ADGRB3: variants seen among roughly 807,000 people sequenced by gnomAD.
ADGRB3 encodes the protein adhesion G protein-coupled receptor B3.
A neutral mutation model predicts 193.4 loss-of-function variants in ADGRB3; 37 were observed. The ratio of observed to expected loss-of-function variants is 0.19; its 90% CI spans 0.15 to 0.25. The LOEUF is 0.25. Among genes scored for constraint, ADGRB3 ranks in the 10% least tolerant of loss-of-function variants. The probability of loss-of-function intolerance (pLI) is 1.00; values close to 1 mark genes in which losing one functional copy is unlikely to be tolerated. For missense variants in ADGRB3, 1,637 were observed against 1,852.9 expected (o/e 0.88, Z 2.14); for synonymous variants, 690 against 644.2 (o/e 1.07, Z -1.08).
intron 3 of ADGRB3, among the ~76,000 whole-genome samples, chr6:68,723,307 C>T (rs923934365): frequency 6.6e-6 from 1 of 151,668 alleles, no homozygotes; most frequent in Non-Finnish European, 1.5e-5. Context: ...TAACTGGTAT[C>T]TTCTATCTTC....
intron 6 of ADGRB3, among the ~76,000 whole-genome samples, chr6:68,950,682 T>C (rs1554226333): frequency 6.6e-6 from 1 of 152,136 alleles, no homozygotes; most frequent in Non-Finnish European, 1.5e-5. Flanking sequence ...TTTCTATTTT[T>C]CTGCACCCTA....
chr6:68,762,085 A>G (rs922753905), intron 3 of ADGRB3, among the ~76,000 whole-genome samples: 6 of 152,192 alleles, frequency 3.9e-5, no homozygotes, highest in African/African-American at 1.4e-4. Flanking sequence ...GAATGGTAAA[A>G]CTGAATAATT....
intron 3 of ADGRB3, among the ~76,000 whole-genome samples, chr6:68,894,006 A>G (rs1314546901): frequency 6.6e-6 from 1 of 151,988 alleles, no homozygotes; most frequent in Non-Finnish European, 1.5e-5. Context: ...TTTAGATGAT[A>G]TATTTTAATA....
intron 30 of ADGRB3, among the ~76,000 whole-genome samples, chr6:69,375,920 A>T (rs1407510399): frequency 2.6e-5 from 4 of 151,786 alleles, no homozygotes; most frequent in African/African-American, 9.7e-5. Context: ...TCCAGTCTGG[A>T]CAACAAAGTG....
At chr6:69,087,373 G>A (rs1459011608) in intron 17 of ADGRB3, among the ~76,000 whole-genome samples, 1 of 152,116 alleles carries the variant, frequency 6.6e-6, no homozygotes, top group Non-Finnish European at 1.5e-5. Context: ...GCTATGGTCT[G>A]AATGTTTGTG....
At chr6:68,812,723 G>C (rs549000819) in intron 3 of ADGRB3, among the ~76,000 whole-genome samples, 3 of 151,376 alleles carry the variant, frequency 2.0e-5, no homozygotes, top group Non-Finnish European at 4.4e-5. Context: ...TGTGCAGAAC[G>C]TGCAGGTTTG....
chr6:69,266,053 TTTTA>T, intron 20 of ADGRB3, among the ~76,000 whole-genome samples: 1 of 152,118 alleles, frequency 6.6e-6, no homozygotes, highest in African/African-American at 2.4e-5. Flanking sequence ...TGTTGTGGGA[TTTTA>T]TTTGTTTGTT....
intron 31 of ADGRB3, among the ~76,000 whole-genome samples, chr6:69,383,668 A>T (rs559749855): frequency 3.3e-5 from 5 of 152,126 alleles, no homozygotes; most frequent in African/African-American, 1.2e-4. Context: ...TCTAAACTCC[A>T]ATTTCACCCT....
chr6:69,129,074 A>C (rs970943368), intron 17 of ADGRB3, among the ~76,000 whole-genome samples: 6 of 152,152 alleles, frequency 3.9e-5, no homozygotes, highest in Non-Finnish European at 5.9e-5. Context: ...TGCTTTTGAT[A>C]CTTACGAACA....
At chr6:68,917,327 C>T (rs9454649) in intron 3 of ADGRB3, among the ~76,000 whole-genome samples, 1,580 of 152,270 alleles carry the variant, frequency 0.01, 44 homozygotes, top group African/African-American at 0.036. Context: ...TGTGGCCACT[C>T]ATTCCTTTTC....
At chr6:68,882,775 A>AAAAAG (rs1765767795) in intron 3 of ADGRB3, among the ~76,000 whole-genome samples, 1 of 152,184 alleles carries the variant, frequency 6.6e-6, no homozygotes, top group African/African-American at 2.4e-5. Context: ...TACAACACCT[A>AAAAAG]AAAAGCCCTT....
intron 17 of ADGRB3, among the ~76,000 whole-genome samples, chr6:69,129,184 G>A (rs1773935246): frequency 6.6e-6 from 1 of 152,122 alleles, no homozygotes; most frequent in Non-Finnish European, 1.5e-5. Context: ...AAATGCAGAA[G>A]CCAAGTAACT....
chr6:68,933,516 CAAG>C (rs1767404814), intron 4 of ADGRB3, among the ~76,000 whole-genome samples: 1 of 152,122 alleles, frequency 6.6e-6, no homozygotes, highest in South Asian at 2.1e-4. Flanking sequence ...TCTCTTGAAT[CAAG>C]GAGGCAGAGG....
intron 13 of ADGRB3, among the ~76,000 whole-genome samples, chr6:69,020,155 TTTC>T (rs1220755594): frequency 3.9e-5 from 6 of 152,010 alleles, no homozygotes; most frequent in African/African-American, 9.7e-5. Context: ...GAACTATTGT[TTTC>T]TTCTTCTTGT....
intron 17 of ADGRB3, among the ~76,000 whole-genome samples, chr6:69,103,821 A>G (rs2046251): frequency 0.75 from 112,791 of 150,260 alleles, 42,844 homozygotes; most frequent in East Asian, 1. Context: ...ATATATTAAG[A>G]TAGAAGCATT....
intron 3 of ADGRB3, among the ~76,000 whole-genome samples, chr6:68,853,357 C>T (rs941309037): frequency 5.3e-5 from 8 of 152,064 alleles, no homozygotes; most frequent in African/African-American, 1.7e-4. Flanking sequence ...AAGCTTGATA[C>T]TTAATAACCA....
chr6:69,148,112 G>T (rs1774557846), intron 17 of ADGRB3, among the ~76,000 whole-genome samples: 1 of 152,110 alleles, frequency 6.6e-6, no homozygotes. Context: ...GAATTAGAGA[G>T]TTTAGTCTAT....
Position 68,974,802 on chromosome 6 carries a change from T to A in ADGRB3, c.1565T>A (p.Met522Lys), listed in dbSNP as rs746241352. 2 of 1,614,018 alleles carry A rather than the reference T, an allele frequency of 1.2e-6. No individual in the cohort carries two copies. Among genetic ancestry groups the A allele is most frequent in the Non-Finnish European group, 1.7e-6 (2 of 1,179,946 alleles). ...EICPEDYLMS[M>K]VWKRTPAGDL... is the part of the protein sequence containing the mutation. The stretch of plus-strand genomic sequence containing the variant: ...TGCCCTGAGGATTATCTGATGTCGA[T>A]GGTGTGGAAAAGAACTCCAGCAGGC... Residue 522 changes from methionine (M) to lysine (K), a missense_variant, in exon 9 of 32, where the codon ATG (methionine) becomes AAG (lysine). This residue lies in a region of ADGRB3 where 641 missense variants were observed against 673.9 expected (regional missense o/e 0.95). Coordinates refer to ENST00000370598, the MANE Select transcript of ADGRB3 (RefSeq NM_001704.3).
intron 3 of ADGRB3, among the ~76,000 whole-genome samples, chr6:68,915,191 A>T (rs1300539941): frequency 6.6e-6 from 1 of 152,178 alleles, no homozygotes; most frequent in African/African-American, 2.4e-5. Flanking sequence ...TGAGTCCCAG[A>T]TCCAGCACAT....
Sources: allele counts gnomAD v4.1 joint callset (sites outside exome capture counted in the v4.1 genomes callset), GRCh38; gene constraint gnomAD v4.1.1; regional missense constraint gnomAD v4.1.1; transcripts MANE v1.5; gene names NCBI Gene and HGNC (gene_info 2026-07-23, HGNC 2026-07-21).